The following IQGAP2 variants were observed in gnomAD, a reference collection of about 807,000 sequenced individuals.
The protein encoded by IQGAP2 is ras GTPase-activating-like protein IQGAP2.
A neutral mutation model predicts 201.3 loss-of-function variants in IQGAP2; 173 were observed. The ratio of observed to expected loss-of-function variants is 0.86; its 90% CI spans 0.76 to 0.98. The LOEUF (loss-of-function observed/expected upper bound fraction) is 0.98. IQGAP2 is among the 50% of genes least tolerant of loss of function. IQGAP2 has a pLI of 0.00. For synonymous variants in IQGAP2, 675 were observed against 673.9 expected, an observed-to-expected ratio of 1.00 and a Z score of -0.03; for missense variants, 1,687 against 1,864.8, an observed-to-expected ratio of 0.90 and a Z score of 1.76.
chr5:76,413,156 C>CTCTTTTTTTTTTTT (rs1751219286), intron 1 of IQGAP2, among the ~76,000 whole-genome samples: 1 of 83,720 alleles, frequency 1.2e-5, no homozygotes, highest in Non-Finnish European at 2.2e-5. Context: ...TTTCTTTTCT[C>CTCTTTTTTTTTTTT]TTTTTTTTTT....
rs1172600016 is a variant in IQGAP2, at chr5:76,627,635, A to G, written c.1612+135A>G. On this transcript the variant is annotated intron_variant, in intron 14 of 35. Coordinates refer to ENST00000274364, the MANE Select transcript of IQGAP2 (RefSeq NM_006633.5). Reference sequence around the variant, plus strand: ...AGTTCTTGGACACATAATTATACCGAAATTAGTTGGTTGCCCTATTGTCAG... The same window carrying G: ...AGTTCTTGGACACATAATTATACCGGAATTAGTTGGTTGCCCTATTGTCAG... 3 of 594,568 alleles carry G rather than the reference A, an allele frequency of 5.0e-6. No individual in the cohort carries two copies. In the Admixed American group the frequency reaches 9.0e-5, roughly 18 times the overall value. The allele number at this position is 594,568 out of a possible 1,614,324, so 36.8% of individuals were successfully genotyped here. A position where few individuals can be genotyped will look rare whatever the true frequency, so the allele number is the denominator to read the frequency against.
intron 2 of IQGAP2, among the ~76,000 whole-genome samples, chr5:76,471,257 A>C (rs1396540113): frequency 6.6e-6 from 1 of 151,860 alleles, no homozygotes; most frequent in Non-Finnish European, 1.5e-5. Context: ...TGTGTCTCCC[A>C]AGGAAAGTTC....
chr5:76,586,406 A>G (rs781464354), intron 5 of IQGAP2, among the ~76,000 whole-genome samples: 18 of 152,346 alleles, frequency 1.2e-4, no homozygotes, highest in Non-Finnish European at 2.6e-4. Context: ...AAGCAGGAAA[A>G]TAAGAGGCAA....
intron 5 of IQGAP2, among the ~76,000 whole-genome samples, chr5:76,586,754 A>G (rs910718867): frequency 2.0e-5 from 3 of 152,260 alleles, no homozygotes; most frequent in African/African-American, 4.8e-5. Flanking sequence ...GAAGAGAGGT[A>G]GCTGGGATAG....
chr5:76,557,261 G>GA (rs896720517), intron 2 of IQGAP2, among the ~76,000 whole-genome samples: 1 of 152,172 alleles, frequency 6.6e-6, no homozygotes, highest in Non-Finnish European at 1.5e-5. Flanking sequence ...CTGAGCTTTG[G>GA]AAAACCTCAG....
intron 13 of IQGAP2, chr5:76,617,497 AT>A (rs1258272489): frequency 1.0e-6 from 1 of 980,474 alleles, no homozygotes; most frequent in East Asian, 2.4e-5. Flanking sequence ...GAGCTCGGAA[AT>A]GGAGCTCCTT....
intron 1 of IQGAP2, among the ~76,000 whole-genome samples, chr5:76,460,029 G>T (rs747991841): frequency 2.6e-5 from 4 of 152,158 alleles, no homozygotes; most frequent in Non-Finnish European, 5.9e-5. Flanking sequence ...TTCTGTACGC[G>T]CAGAGTGCTA....
chr5:76,408,983 G>A (rs1008303276), intron 1 of IQGAP2, among the ~76,000 whole-genome samples: 3 of 151,866 alleles, frequency 2.0e-5, no homozygotes, highest in Non-Finnish European at 4.4e-5. Flanking sequence ...TAGTAGAGGT[G>A]GGGTTTCCCC....
intron 5 of IQGAP2, among the ~76,000 whole-genome samples, chr5:76,583,616 T>A (rs1304740674): frequency 1.3e-5 from 2 of 152,214 alleles, no homozygotes; most frequent in East Asian, 3.8e-4. Context: ...TTCTTCCATG[T>A]TCAGAAAGCT....
chr5:76,528,428 GC>G (rs1759092606), intron 2 of IQGAP2, among the ~76,000 whole-genome samples: 1 of 152,192 alleles, frequency 6.6e-6, no homozygotes, highest in Non-Finnish European at 1.5e-5. Context: ...TTTAGAGGAA[GC>G]AGGTAAAAGG....
chr5:76,600,132 G>C (rs535885945), intron 10 of IQGAP2, among the ~76,000 whole-genome samples: 1 of 152,160 alleles, frequency 6.6e-6, no homozygotes, highest in South Asian at 2.1e-4. Flanking sequence ...TGGGCAACAA[G>C]AGCCAAACTC....
intron 11 of IQGAP2, 73 bp downstream of exon 11, chr5:76,601,045 G>C: frequency 6.8e-7 from 1 of 1,473,484 alleles, no homozygotes; most frequent in South Asian, 1.2e-5. Flanking sequence ...TGAGGAATTT[G>C]CCTGTTGGTG....
chr5:76,580,160 C>T (rs1457744411), intron 5 of IQGAP2, among the ~76,000 whole-genome samples: 1 of 152,050 alleles, frequency 6.6e-6, no homozygotes, highest in Non-Finnish European at 1.5e-5. Flanking sequence ...CCTATAATCA[C>T]AGCTACTCGG....
intron 5 of IQGAP2, among the ~76,000 whole-genome samples, chr5:76,583,546 G>T (rs1411883742): frequency 2.0e-5 from 3 of 151,988 alleles, no homozygotes; most frequent in African/African-American, 7.2e-5. Context: ...ATGCAAATGA[G>T]ATCTTTACCT....
At chr5:76,653,267 A>T (rs557278275) in intron 18 of IQGAP2, among the ~76,000 whole-genome samples, 2 of 152,198 alleles carry the variant, frequency 1.3e-5, no homozygotes, top group African/African-American at 4.8e-5. Flanking sequence ...TGGGAGCTGA[A>T]TTAGTCGAAC....
chr5:76,642,099 A>G (rs965788004), intron 17 of IQGAP2, among the ~76,000 whole-genome samples: 7 of 152,216 alleles, frequency 4.6e-5, no homozygotes, highest in African/African-American at 1.7e-4. Flanking sequence ...AGGTGGGCCA[A>G]TGAGTTTACA....
intron 2 of IQGAP2, among the ~76,000 whole-genome samples, chr5:76,513,014 C>T (rs1389001262): frequency 6.6e-6 from 1 of 151,112 alleles, no homozygotes; most frequent in Non-Finnish European, 1.5e-5. Context: ...GAGATTGTGC[C>T]ACTGCACTCC....
intron 4 of IQGAP2, among the ~76,000 whole-genome samples, chr5:76,572,325 G>T (rs1745170711): frequency 6.6e-6 from 1 of 151,610 alleles, no homozygotes; most frequent in Admixed American, 6.6e-5. Context: ...GTGATTCTCG[G>T]GGTTATCACT....
At chr5:76,566,067 G>A (rs555778901) in intron 3 of IQGAP2, among the ~76,000 whole-genome samples, 4 of 152,222 alleles carry the variant, frequency 2.6e-5, no homozygotes, top group South Asian at 2.1e-4. Context: ...GGTATGCCAC[G>A]ATAGAAATAC....
Sources: gnomAD v4.1 joint callset for allele counts (sites outside exome capture counted in the v4.1 genomes callset) on GRCh38, gnomAD v4.1.1 for gene constraint, MANE v1.5 for transcripts, NCBI Gene and HGNC (gene_info 2026-07-23, HGNC 2026-07-21) for gene names.